The following INTS6L variants were observed in gnomAD, a reference collection of about 807,000 sequenced individuals.
INTS6L encodes the protein integrator complex subunit 6 like.
In INTS6L, 18 loss-of-function variants were observed where a neutral mutation model predicts 64.7. That is an observed-to-expected ratio of 0.28 (90% CI 0.19 to 0.41). The LOEUF (loss-of-function observed/expected upper bound fraction) is 0.41. Among genes scored for constraint, INTS6L ranks in the 10% least tolerant of loss-of-function variants. The pLI is 1.00. For synonymous variants in INTS6L, 227 were observed against 235.9 expected (o/e 0.96, Z 0.34); for missense variants, 533 against 661.0 (o/e 0.81, Z 2.12).
rs1370490566 is a variant in INTS6L at position 135,544,306 on chromosome X, C to T, written c.190-1117C>T. Among the ~76,000 whole-genome samples, 3 of 112,228 alleles carry T rather than the reference C, an allele frequency of 2.7e-5. No homozygotes were observed. The Admixed American group carries it at 2.8e-4, about 11-fold the overall frequency. On this transcript the variant is annotated intron_variant, in intron 2 of 17. Coordinates refer to ENST00000639893, the MANE Select transcript of INTS6L (RefSeq NM_001351601.3). ...ATAACCTGCCCCCTTTCTTACTTCCCAGTCATTCTACTAATCCAAATTGCT... is the reference window on the plus strand; with the variant it reads ...ATAACCTGCCCCCTTTCTTACTTCCTAGTCATTCTACTAATCCAAATTGCT...
chrX:135,550,008 C>T (rs1556516526), intron 7 of INTS6L, among the ~76,000 whole-genome samples: 1 of 112,573 alleles, frequency 8.9e-6, no homozygotes, highest in African/African-American at 3.2e-5. Context: ...TGATACTTGT[C>T]ATTCTTCAGT....
intron 9 of INTS6L, among the ~76,000 whole-genome samples, chrX:135,556,902 A>G (rs17001010): frequency 0.084 from 9,424 of 111,562 alleles, 660 homozygotes; most frequent in African/African-American, 0.22. Flanking sequence ...ACAGTATCCT[A>G]GTTGTAAAGT....
intron 15 of INTS6L, among the ~76,000 whole-genome samples, chrX:135,577,973 C>T (rs2087275950): frequency 8.9e-6 from 1 of 112,467 alleles, no homozygotes; most frequent in Non-Finnish European, 1.9e-5. Context: ...TTCTCCACAG[C>T]ATTTGACACA....
At chrX:135,573,215 T>C (rs933074486) in intron 12 of INTS6L, among the ~76,000 whole-genome samples, 182 bp downstream of exon 12, 1 of 112,482 alleles carries the variant, frequency 8.9e-6, no homozygotes. Flanking sequence ...ATATGTTTTG[T>C]GGGTAACGCC....
rs371853168 is a variant in INTS6L, at chrX:135,549,794, T to A, written c.895T>A (p.Leu299Ile). 2.5e-6 allele frequency: 3 copies of A among 1,210,453 alleles called. No individual in the cohort carries two copies. Among genetic ancestry groups the A allele is most frequent in the Non-Finnish European group, 3.4e-6 (3 of 894,828 alleles). ...IPESFWPDQNLPSLPPRTSHP... is the reference protein window; with the variant it reads ...IPESFWPDQNIPSLPPRTSHP... ...AGAATCTTTTTGGCCAGATCAGAATTTACCTTCACTAGTAAGTGTCATAAA... is the reference window on the plus strand; with the variant it reads ...AGAATCTTTTTGGCCAGATCAGAATATACCTTCACTAGTAAGTGTCATAAA... The change falls in exon 7 of 18, where the codon TTA becomes ATA. Residue 299 changes from leucine (L) to isoleucine (I), a missense_variant. Coordinates refer to ENST00000639893, the MANE Select transcript of INTS6L (RefSeq NM_001351601.3).
At position 135,528,877 on chromosome X, in the gene INTS6L, C is replaced by G. The variant is rs191917015; in HGVS notation, c.189+7559C>G. Among the ~76,000 whole-genome samples, 94 of 87,358 alleles carry G rather than the reference C, an allele frequency of 1.1e-3. 4 individuals carry two copies. The East Asian group carries it at 0.033, about 30-fold the overall frequency. 75.9% of individuals were successfully genotyped at this position (87,358 alleles called of 115,157 possible). A position where few individuals can be genotyped will look rare whatever the true frequency, so the allele number is the denominator to read the frequency against. On this transcript the variant is annotated intron_variant, in intron 2 of 17. Coordinates refer to ENST00000639893, the MANE Select transcript of INTS6L (RefSeq NM_001351601.3). ...CGTTTAAAATGAACACCCCCCCCCC[C>G]GACCCACCGCAATAAAAGACTCATT...
At chrX:135,521,513 G>C (rs1297624099) in intron 2 of INTS6L, among the ~76,000 whole-genome samples, 195 bp downstream of exon 2, 2 of 110,926 alleles carry the variant, frequency 1.8e-5, no homozygotes, top group Non-Finnish European at 3.8e-5. Flanking sequence ...GGGGAGAGGG[G>C]ACCGGGGAGG....
chrX:135,521,195 C>T (rs1556496431), intron 1 of INTS6L, 46 bp from the exon 2 acceptor site: 3 of 1,186,125 alleles, frequency 2.5e-6, no homozygotes, highest in Non-Finnish European at 3.4e-6. Flanking sequence ...ATCGCCCTCC[C>T]CCCTCCTTTC....
In INTS6L at chrX:135,520,684, G is replaced by C. The variant is rs781865798; in HGVS notation, c.-309G>C. 3.3e-6 allele frequency: 1 copy of C among 306,313 alleles called. No individual in the cohort carries two copies. The highest frequency in any genetic ancestry group is 5.8e-6 in the Non-Finnish European group (1 of 172,898). The allele number at this position is 306,313 out of a possible 1,213,427, so 25.2% of individuals were successfully genotyped here. On this transcript the variant is annotated 5_prime_UTR_variant, in exon 1 of 18. Transcript: ENST00000639893. Reference sequence around the variant, plus strand: ...CAGTCTGGGGCGAGCGCTCTAGTGAGCGCGGACGGATGCTTAGGCAGTAGT... The same window carrying C: ...CAGTCTGGGGCGAGCGCTCTAGTGACCGCGGACGGATGCTTAGGCAGTAGT...
chrX:135,552,163 A>G lies in INTS6L; in HGVS notation c.1059+17A>G. On this transcript the variant is annotated intron_variant, in intron 8 of 17. Coordinates refer to ENST00000639893, the MANE Select transcript of INTS6L (RefSeq NM_001351601.3). ...TGCTGGCAGGTACTTATCCTTACCT[A>G]TTAGCTAAATGTCTGTAACCACTCT... 8.6e-7 allele frequency: 1 copy of G among 1,157,919 alleles called. No individual in the cohort carries two copies. Among genetic ancestry groups the G allele is most frequent in the Non-Finnish European group, 1.1e-6 (1 of 872,341 alleles).
At chrX:135,544,024 A>G (rs1487998305) in intron 2 of INTS6L, among the ~76,000 whole-genome samples, 1 of 112,355 alleles carries the variant, frequency 8.9e-6, no homozygotes. Context: ...TTTCACAAGA[A>G]TTGCCAGCTA....
intron 11 of INTS6L, chrX:135,571,885 C>T (rs1393863763): frequency 9.0e-6 from 1 of 111,560 alleles, no homozygotes; most frequent in Non-Finnish European, 1.9e-5. Flanking sequence ...TTTAAGGAAA[C>T]AGATGCTTCA....
chrX:135,580,792 A>G (rs1422979877), intron 16 of INTS6L, among the ~76,000 whole-genome samples: 1 of 112,720 alleles, frequency 8.9e-6, no homozygotes, highest in South Asian at 3.6e-4. Flanking sequence ...TTTTTGCTAT[A>G]TAAGGTAATG....
At chrX:135,539,270 A>G (rs1473874630) in intron 2 of INTS6L, among the ~76,000 whole-genome samples, 2 of 112,536 alleles carry the variant, frequency 1.8e-5, no homozygotes, top group Admixed American at 9.4e-5. Flanking sequence ...ATAACTTGCT[A>G]CAGCTTCTAT....
chrX:135,548,520 G>A (rs781880549), intron 6 of INTS6L, among the ~76,000 whole-genome samples: 7 of 111,651 alleles, frequency 6.3e-5, no homozygotes, highest in Non-Finnish European at 9.4e-5. Flanking sequence ...TGAAATTCTA[G>A]TAGGATTTGG....
At chrX:135,537,049 A>G (rs925273730) in intron 2 of INTS6L, among the ~76,000 whole-genome samples, 2 of 112,183 alleles carry the variant, frequency 1.8e-5, no homozygotes, top group Non-Finnish European at 3.8e-5. Context: ...GCCTGCAGAG[A>G]GCATGCCAGT....
chrX:135,577,782 G>T (rs1272602790), intron 15 of INTS6L, among the ~76,000 whole-genome samples: 1 of 112,235 alleles, frequency 8.9e-6, no homozygotes, highest in African/African-American at 3.2e-5. Flanking sequence ...GGGTGAGGAG[G>T]ATAAAGCAGG....
intron 2 of INTS6L, among the ~76,000 whole-genome samples, chrX:135,545,009 A>T (rs1167261198): frequency 8.9e-6 from 1 of 111,913 alleles, no homozygotes. Flanking sequence ...GAATTAATGT[A>T]GCTCAGACAG....
intron 9 of INTS6L, among the ~76,000 whole-genome samples, chrX:135,561,602 G>A (rs1414263760): frequency 8.9e-6 from 1 of 112,195 alleles, no homozygotes; most frequent in Non-Finnish European, 1.9e-5. Flanking sequence ...TGTATAATTG[G>A]TATTAATTAT....
Sources: allele counts gnomAD v4.1 joint callset (sites outside exome capture counted in the v4.1 genomes callset), GRCh38; gene constraint gnomAD v4.1.1; transcripts MANE v1.5; gene names NCBI Gene and HGNC (gene_info 2026-07-23, HGNC 2026-07-21).